SMARCA4: variants seen among roughly 807,000 people sequenced by gnomAD.
SMARCA4 encodes SWI/SNF related BAF chromatin remodeling complex subunit ATPase 4, also known as SWI/SNF-related matrix-associated actin-dependent regulator of chromatin subfamily A member 4.
In SMARCA4, 31 loss-of-function variants were observed where a neutral mutation model predicts 193.9. The observed-to-expected ratio is 0.16, with a 90% CI of 0.12 to 0.22. SMARCA4 has a LOEUF of 0.22. Among genes scored for constraint, SMARCA4 ranks in the 10% least tolerant of loss-of-function variants. SMARCA4 has a pLI of 1.00. For missense variants in SMARCA4, 1,148 were observed against 2,296.0 expected (o/e 0.50, Z 10.22); for synonymous variants, 942 against 933.1 (o/e 1.01, Z -0.17).
At chr19:11,060,278 A>C (rs2147131205) in intron 34 of SMARCA4, 91 bp downstream of exon 34, 1 of 1,433,882 alleles carries the variant, frequency 7.0e-7, no homozygotes, top group Non-Finnish European at 9.6e-7. Context: ...CGGTGCTCCC[A>C]CGCCCCCACG....
At chr19:11,047,951 A>C (rs774113863) in intron 30 of SMARCA4, among the ~76,000 whole-genome samples, 2 of 152,134 alleles carry the variant, frequency 1.3e-5, no homozygotes, top group Admixed American at 1.3e-4. Context: ...GCGAAGTTAC[A>C]TTCTTTTTTA....
Position 11,041,083 on chromosome 19 carries a change from A to G in SMARCA4, c.4171-224A>G. On this transcript the variant is annotated intron_variant, in intron 29 of 34. Coordinates refer to ENST00000344626, the MANE Select transcript of SMARCA4 (RefSeq NM_003072.5). This position sits in a 1 kb window ranked among gnomAD's most constrained non-coding sequence, Gnocchi z 5.6. Reference sequence around the variant, plus strand: ...TTCAACCATTAGTTTTTTAAAGACAAGCTTGGGTGGGGTGCCTGCTGGGGG... The same window carrying G: ...TTCAACCATTAGTTTTTTAAAGACAGGCTTGGGTGGGGTGCCTGCTGGGGG... The G allele has an allele frequency of 1.8e-6, 1 of 551,408 alleles. No homozygotes were observed. Among genetic ancestry groups the G allele is most frequent in the Non-Finnish European group, 3.2e-6 (1 of 312,966 alleles). 34.2% of individuals were successfully genotyped at this position (551,408 alleles called of 1,614,324 possible).
chr19:11,006,302 A>G (rs1302676175), intron 13 of SMARCA4, among the ~76,000 whole-genome samples: 2 of 152,262 alleles, frequency 1.3e-5, no homozygotes, highest in Non-Finnish European at 2.9e-5. Flanking sequence ...AAGCCATTAA[A>G]TGATGCAACA....
intron 9 of SMARCA4, chr19:10,995,905 C>T (rs920334139): frequency 4.5e-6 from 2 of 446,346 alleles, no homozygotes; most frequent in Non-Finnish European, 8.5e-6. Context: ...GCACCTTGGA[C>T]TTGGTGGAGA....
In SMARCA4 at chr19:10,981,914, C is replaced by T. The variant is rs954866647; in HGVS notation, c.-31-2207C>T. Among the ~76,000 whole-genome samples the T allele has an allele frequency of 6.6e-5, 10 of 151,856 alleles. 1 individual carries two copies. In the East Asian group the frequency reaches 9.7e-4, roughly 15 times the overall value. On this transcript the variant is annotated intron_variant, in intron 1 of 34. Coordinates refer to ENST00000344626, the MANE Select transcript of SMARCA4 (RefSeq NM_003072.5). ...GAGGCAGGAGGACGGCTTGAGCCCC[C>T]GAGGTCAAGGCTGCAGTGGGCTATG...
rs2145938942 is a variant in SMARCA4 at position 10,994,883 on chromosome 19, C to G, written c.1475C>G (p.Ser492Cys). ...HAKDFKEYHRSVTGKIQKLTK... is the reference protein window; with the variant it reads ...HAKDFKEYHRCVTGKIQKLTK... ...AAGGATTTCAAGGAATATCACAGAT[C>G]CGTCACAGGCAAAATCCAGAAGCTG... The change falls in exon 9 of 35, where the codon TCC becomes TGC. Residue 492 changes from serine to cysteine, a missense_variant. This residue lies in a region of SMARCA4 where 69 missense variants were observed against 186.9 expected (regional missense o/e 0.37). Transcript: ENST00000344626. The G allele has an allele frequency of 6.2e-7, 1 of 1,614,108 alleles. No individual in the cohort carries two copies. Among genetic ancestry groups the G allele is most frequent in the Non-Finnish European group, 8.5e-7 (1 of 1,179,958 alleles).
In SMARCA4 at chr19:11,001,792, T is replaced by C. The variant is rs112797002; in HGVS notation, c.1813-1237T>C. ...AATTCCTGGAAGATGAAAACCAAAA[T>C]TTAAACCAATAACTTTTTCTCCATC... On this transcript the variant is annotated intron_variant, in intron 11 of 34. Coordinates refer to ENST00000344626, the MANE Select transcript of SMARCA4 (RefSeq NM_003072.5). Among the ~76,000 whole-genome samples, 553 of 152,320 alleles carry C rather than the reference T, an allele frequency of 3.6e-3. 7 individuals are homozygous for C. The highest frequency in any genetic ancestry group is 0.012 in the African/African-American group (515 of 41,580).
In SMARCA4 at chr19:11,003,103, A is replaced by G. The variant is rs2146097188; in HGVS notation, c.1887A>G (p.Thr629=). ...VIHVESGKIL[T]GTDAPKAGQL... ...ACGTGGAGAGTGGGAAGATCCTCAC[A>G]GGCACAGATGCCCCCAAAGCCGGGC... Residue 629 remains threonine, a synonymous_variant, in exon 12 of 35, where the codon ACA becomes ACG. Coordinates refer to ENST00000344626, the MANE Select transcript of SMARCA4 (RefSeq NM_003072.5). 4.3e-6 allele frequency: 7 copies of G among 1,614,142 alleles called. No individual in the cohort carries two copies. The highest frequency in any genetic ancestry group is 5.9e-6 in the Non-Finnish European group (7 of 1,180,014).
intron 30 of SMARCA4, among the ~76,000 whole-genome samples, chr19:11,055,884 A>G (rs890859396): frequency 6.6e-6 from 1 of 151,898 alleles, no homozygotes; most frequent in Non-Finnish European, 1.5e-5. Flanking sequence ...ACGAGCCACC[A>G]TATCTTTAAA....
intron 16 of SMARCA4, among the ~76,000 whole-genome samples, chr19:11,016,872 T>G (rs1231665866): frequency 6.6e-6 from 1 of 152,110 alleles, no homozygotes; most frequent in African/African-American, 2.4e-5. Flanking sequence ...TGCAGGCTCA[T>G]GTAGTCTATT....
At chr19:10,996,590 G>T (rs1352843693) in intron 11 of SMARCA4, 46 bp downstream of exon 11, 1 of 1,562,788 alleles carries the variant, frequency 6.4e-7, no homozygotes, top group Admixed American at 1.7e-5. Flanking sequence ...TAGCCCTAAG[G>T]CGTTGGTCTG....
At chr19:11,055,159 A>AG (rs1340916537) in intron 30 of SMARCA4, among the ~76,000 whole-genome samples, 3 of 152,216 alleles carry the variant, frequency 2.0e-5, no homozygotes, top group East Asian at 3.9e-4. Flanking sequence ...AGGTCTGGGA[A>AG]GGGGTGCTCT....
At position 11,060,137 on chromosome 19, in the gene SMARCA4, C is replaced by T. The variant is rs955207258; in HGVS notation, c.4861C>T (p.Arg1621Ter). The change falls in exon 34 of 35, where the codon CGA becomes TGA. Residue 1621 changes from arginine to a stop codon, truncating the protein, a stop_gained. Transcript: ENST00000344626. LOFTEE classifies it high-confidence loss of function. ...CCGGCGGCGGCCGAGCCGAGGGTCC[C>T]GAGCCAAGCCGGTCGTGAGTGACGA... ...GGRRRPSRGS[R>*]AKPVVSDDDS... 4 of 1,550,918 alleles carry T rather than the reference C, an allele frequency of 2.6e-6. No homozygotes were observed. The highest frequency in any genetic ancestry group is 3.5e-6 in the Non-Finnish European group (4 of 1,146,692).
chr19:11,046,349 A>G (rs1345926944), intron 30 of SMARCA4, among the ~76,000 whole-genome samples: 1 of 152,160 alleles, frequency 6.6e-6, no homozygotes, highest in Non-Finnish European at 1.5e-5. Context: ...GGACACCAAC[A>G]TTTCAGTCAC....
At chr19:11,003,558 C>T (rs2087866587) in intron 13 of SMARCA4, among the ~76,000 whole-genome samples, 161 bp downstream of exon 13, 2 of 152,150 alleles carry the variant, frequency 1.3e-5, no homozygotes, top group South Asian at 2.1e-4. Flanking sequence ...GCTGTCCTAT[C>T]CAATAGGGCA....
intron 1 of SMARCA4, among the ~76,000 whole-genome samples, chr19:10,980,228 C>G (rs907293420): frequency 1.2e-4 from 19 of 152,270 alleles, no homozygotes; most frequent in South Asian, 1.0e-3. Flanking sequence ...GTTCCTGTTT[C>G]ACTGCAGCCT....
chr19:10,989,180 A>G (rs2086331137), intron 6 of SMARCA4, 137 bp from the exon 7 acceptor site: 5 of 1,102,040 alleles, frequency 4.5e-6, no homozygotes, highest in African/African-American at 1.5e-5. Flanking sequence ...CCCTGCGGCC[A>G]GCATCCTCTT....
chr19:11,021,712 C>G lies in SMARCA4; in HGVS notation c.2617-13C>G, dbSNP rs774918337. On this transcript the variant is annotated splice_polypyrimidine_tract_variant and intron_variant, in intron 18 of 34. Coordinates refer to ENST00000344626, the MANE Select transcript of SMARCA4 (RefSeq NM_003072.5). The stretch of plus-strand genomic sequence containing the variant: ...CTGCCCCCTGCCCTGATTGCCCACT[C>G]TGGGGCCCGCAGATCCGTTGGAAGT... The G allele has an allele frequency of 6.2e-7, 1 of 1,602,550 alleles. No homozygotes were observed. The highest frequency in any genetic ancestry group is 1.1e-5 in the South Asian group (1 of 89,858).
chr19:11,019,454 G>A lies in SMARCA4; in HGVS notation c.2506-137G>A, dbSNP rs2089666027. ...TGGGGACGCGCCAGCGGCCCTGCCA[G>A]CCCCTTTCCCCACTACCCCTGTGAG... On this transcript the variant is annotated intron_variant, in intron 17 of 34. Transcript: ENST00000344626. This position sits in a 1 kb window ranked among gnomAD's most constrained non-coding sequence, Gnocchi z 6.1. 1 of 672,506 alleles carries A rather than the reference G, an allele frequency of 1.5e-6. No homozygotes were observed. The highest frequency in any genetic ancestry group is 2.7e-5 in the East Asian group (1 of 36,842). The allele number at this position is 672,506 out of a possible 1,614,324, so 41.7% of individuals were successfully genotyped here.
Sources: allele counts gnomAD v4.1 joint callset (sites outside exome capture counted in the v4.1 genomes callset), GRCh38; gene constraint gnomAD v4.1.1; regional missense constraint gnomAD v4.1.1; non-coding constraint Gnocchi (gnomAD v3.1); transcripts MANE v1.5; gene names NCBI Gene and HGNC (gene_info 2026-07-23, HGNC 2026-07-21).